Variants in EFCAB5 observed in about 807,000 individuals in gnomAD.
EFCAB5 encodes the protein EF-hand calcium-binding domain-containing protein 5.
In EFCAB5, 131 loss-of-function variants were observed where a neutral mutation model predicts 167.9. That is an observed-to-expected ratio of 0.78 (90% confidence interval 0.68 to 0.90). The LOEUF is 0.90. Ranked by LOEUF, EFCAB5 falls within the 40% of genes least tolerant of loss-of-function variation. The pLI is 0.00. For missense variants in EFCAB5, 1,663 were observed against 1,745.2 expected (o/e 0.95, Z 0.84); for synonymous variants, 574 against 602.8 (o/e 0.95, Z 0.70).
At chr17:30,092,211 T>G (rs2071213718) in intron 21 of EFCAB5, 54 bp downstream of exon 21, 14 of 1,524,348 alleles carry the variant, frequency 9.2e-6, no homozygotes, top group Non-Finnish European at 9.7e-6. Context: ...CTAAACAAAT[T>G]TAACTGTACA....
intron 7 of EFCAB5, among the ~76,000 whole-genome samples, chr17:30,028,933 C>G (rs535827383): frequency 6.6e-6 from 1 of 152,198 alleles, no homozygotes; most frequent in South Asian, 2.1e-4. Flanking sequence ...AATTTAATTA[C>G]CTCTTTAAAG....
chr17:30,057,937 A>G (rs1323548111), intron 13 of EFCAB5, 47 bp downstream of exon 13: 2 of 1,535,762 alleles, frequency 1.3e-6, no homozygotes, highest in Non-Finnish European at 1.8e-6. Context: ...CACTATTATA[A>G]GTAAATCTCT....
intron 7 of EFCAB5, among the ~76,000 whole-genome samples, chr17:30,029,392 A>G (rs1477419622): frequency 6.6e-6 from 1 of 152,222 alleles, no homozygotes; most frequent in African/African-American, 2.4e-5. Flanking sequence ...TGAGGTGTTG[A>G]GTAGCTCATG....
In EFCAB5 at chr17:30,087,343, T is replaced by C. The variant is rs142218431; in HGVS notation, c.3683+177T>C. Among the ~76,000 whole-genome samples, 465 of 152,344 alleles carry C rather than the reference T, an allele frequency of 3.1e-3. 3 individuals are homozygous for C. Among genetic ancestry groups the C allele is most frequent in the African/African-American group, 0.011 (444 of 41,578 alleles). ...TACATGTGCAGGACGTGCAGGTTTGTTACACAGGTAAACTTGTGCCATGGT... is the reference window on the plus strand; with the variant it reads ...TACATGTGCAGGACGTGCAGGTTTGCTACACAGGTAAACTTGTGCCATGGT... On this transcript the variant is annotated intron_variant, in intron 19 of 22. Coordinates refer to ENST00000394835, the MANE Select transcript of EFCAB5 (RefSeq NM_198529.4).
chr17:30,088,974 G>A (rs1201385475), intron 19 of EFCAB5, among the ~76,000 whole-genome samples: 1 of 152,000 alleles, frequency 6.6e-6, no homozygotes, highest in Admixed American at 6.6e-5. Context: ...AAGTTCTAGG[G>A]TACATGTGCA....
chr17:29,970,833 G>C (rs1002743982), intron 4 of EFCAB5, among the ~76,000 whole-genome samples: 1 of 152,142 alleles, frequency 6.6e-6, no homozygotes, highest in Non-Finnish European at 1.5e-5. Context: ...CCAGCACTTT[G>C]GGAGGCCAAG....
At chr17:30,063,668 G>A (rs2070486459) in intron 14 of EFCAB5, among the ~76,000 whole-genome samples, 3 of 152,096 alleles carry the variant, frequency 2.0e-5, no homozygotes, top group South Asian at 4.1e-4. Context: ...ACCCTAACCC[G>A]ACACCTGCCC....
At chr17:30,091,660 C>T (rs1292154456) in intron 20 of EFCAB5, among the ~76,000 whole-genome samples, 1 of 152,156 alleles carries the variant, frequency 6.6e-6, no homozygotes, top group Admixed American at 6.5e-5. Flanking sequence ...TTCTCAAAGC[C>T]TCTTCCTATG....
intron 7 of EFCAB5, among the ~76,000 whole-genome samples, chr17:30,019,124 A>G (rs1292032589): frequency 3.3e-5 from 5 of 152,174 alleles, no homozygotes; most frequent in Non-Finnish European, 7.3e-5. Flanking sequence ...AGAGAAGAGG[A>G]AAGTGCCTCT....
At chr17:30,080,678 G>A (rs1287304048) in intron 16 of EFCAB5, 75 bp from the exon 17 acceptor site, 9 of 1,096,774 alleles carry the variant, frequency 8.2e-6, no homozygotes, top group African/African-American at 3.2e-5. Flanking sequence ...ATAGAGAATC[G>A]CTCTAGTTTC....
intron 14 of EFCAB5, among the ~76,000 whole-genome samples, chr17:30,064,926 G>GA (rs952224237): frequency 3.4e-4 from 51 of 151,094 alleles, no homozygotes; most frequent in East Asian, 7.7e-4. Flanking sequence ...AGTGCTGAAA[G>GA]AAAAAAAAAT....
intron 6 of EFCAB5, among the ~76,000 whole-genome samples, chr17:29,997,030 G>A (rs2068559007): frequency 1.3e-5 from 2 of 152,150 alleles, no homozygotes; most frequent in African/African-American, 4.8e-5. Context: ...CGGATCATTT[G>A]AGGTCAGGAG....
upstream of EFCAB5, among the ~76,000 whole-genome samples, chr17:29,941,342 C>CA (rs2067295058): frequency 6.6e-6 from 1 of 151,962 alleles, no homozygotes; most frequent in South Asian, 2.1e-4. Context: ...TCTCCCTTCC[C>CA]AAAAAAATGC....
chr17:29,938,488 T>A (rs183779917), upstream of EFCAB5, among the ~76,000 whole-genome samples: 3 of 152,334 alleles, frequency 2.0e-5, no homozygotes, highest in Admixed American at 6.5e-5. Flanking sequence ...GATTGACTCT[T>A]CCTGTCTTGG....
chr17:30,041,006 G>A (rs1172114699), intron 8 of EFCAB5, among the ~76,000 whole-genome samples: 1 of 152,204 alleles, frequency 6.6e-6, no homozygotes, highest in Non-Finnish European at 1.5e-5. Flanking sequence ...CAGTTTAAGA[G>A]TGTGAAGTCC....
At chr17:30,075,550 T>G (rs2070851871) in intron 14 of EFCAB5, among the ~76,000 whole-genome samples, 1 of 152,162 alleles carries the variant, frequency 6.6e-6, no homozygotes, top group African/African-American at 2.4e-5. Context: ...TCGATTTGGA[T>G]GCCCTCCTCA....
At chr17:30,029,264 A>T (rs2069413431) in intron 7 of EFCAB5, among the ~76,000 whole-genome samples, 1 of 152,210 alleles carries the variant, frequency 6.6e-6, no homozygotes, top group South Asian at 2.1e-4. Flanking sequence ...TAAAAAATGC[A>T]TTTAATTCAT....
At chr17:30,078,064 T>A (rs961745437) in intron 14 of EFCAB5, 151 bp from the exon 15 acceptor site, 2 of 706,340 alleles carry the variant, frequency 2.8e-6, no homozygotes, top group Non-Finnish European at 4.5e-6. Flanking sequence ...TGTAACATAT[T>A]CCACTGGGCT....
rs1271813730 is a variant in EFCAB5 at position 30,092,908 on chromosome 17, T to G, written c.4293T>G (p.Asn1431Lys). 6.2e-7 allele frequency: 1 copy of G among 1,611,462 alleles called. No homozygotes were observed. The highest frequency in any genetic ancestry group is 2.2e-5 in the East Asian group (1 of 44,614). Residue 1431 changes from asparagine to lysine, a missense_variant, in exon 22 of 23, where the codon AAT becomes AAG. Asn to Lys is a moderately conservative substitution (Grantham distance 94, BLOSUM62 0). Coordinates refer to ENST00000394835, the MANE Select transcript of EFCAB5 (RefSeq NM_198529.4). ...FDPTAKHVEV[N>K]VQLIDEYIRD... The stretch of plus-strand genomic sequence containing the variant: ...CAACTGCCAAGCATGTGGAAGTTAA[T>G]GTACAGCTTATTGATGAATATATCA...
Sources: allele counts gnomAD v4.1 joint callset (sites outside exome capture counted in the v4.1 genomes callset), GRCh38; gene constraint gnomAD v4.1.1; transcripts MANE v1.5; gene names NCBI Gene and HGNC (gene_info 2026-07-23, HGNC 2026-07-21).